NTRK2: variants seen among roughly 807,000 people sequenced by gnomAD.
NTRK2 encodes the protein BDNF/NT-3 growth factors receptor.
Under a neutral mutation model 94.5 loss-of-function variants are expected in NTRK2, and 13 were observed. The ratio of observed to expected loss-of-function variants is 0.14; its 90% CI spans 0.09 to 0.22. The LOEUF is 0.22. NTRK2 is among the 10% of genes least tolerant of loss of function. The pLI, the probability that NTRK2 is intolerant of heterozygous loss-of-function variation, is 1.00. For missense variants in NTRK2, 639 were observed against 1,071.2 expected (o/e 0.60, Z 5.63); for synonymous variants, 372 against 407.4 (o/e 0.91, Z 1.05).
At chr9:84,962,482 T>G (rs1825060289) in intron 17 of NTRK2, among the ~76,000 whole-genome samples, 1 of 148,676 alleles carries the variant, frequency 6.7e-6, no homozygotes, top group Non-Finnish European at 1.5e-5. Flanking sequence ...TAAATCCTTG[T>G]GTCCCCTTTT....
intron 12 of NTRK2, among the ~76,000 whole-genome samples, chr9:84,782,057 CACACACACACAA>C (rs1308190407): frequency 6.6e-6 from 1 of 151,684 alleles, no homozygotes; most frequent in Non-Finnish European, 1.5e-5. Context: ...CACACACACA[CACACACACACAA>C]ACACACACAC....
chr9:85,008,988 G>A lies in NTRK2; in HGVS notation c.2173-11218G>A, dbSNP rs185614293. 1.1e-4 allele frequency among the ~76,000 whole-genome samples: 17 copies of A among 152,184 alleles called. No individual in the cohort carries two copies. In the East Asian group the frequency reaches 2.5e-3, roughly 22 times the overall value. On this transcript the variant is annotated intron_variant, in intron 17 of 18. Transcript: ENST00000277120. ...AGGCTTATAGGTTTTATCCCTTTTT[G>A]GATACAATGAACAGACTCTAAGGCA...
chr9:84,970,710 T>C (rs10868240), intron 17 of NTRK2, among the ~76,000 whole-genome samples: 15,624 of 152,200 alleles, frequency 0.1, 1,069 homozygotes, highest in East Asian at 0.38. Context: ...CTGAAATCAA[T>C]ATACTTCATG....
At chr9:84,970,243 A>T (rs1826030801) in intron 17 of NTRK2, among the ~76,000 whole-genome samples, 2 of 152,196 alleles carry the variant, frequency 1.3e-5, no homozygotes, top group South Asian at 4.2e-4. Flanking sequence ...CTAAAAATAC[A>T]AAAACTAGCC....
chr9:84,864,859 GCCC>G (rs1255798942), intron 13 of NTRK2, among the ~76,000 whole-genome samples: 1 of 144,230 alleles, frequency 6.9e-6, no homozygotes, highest in African/African-American at 2.6e-5. Context: ...TCCTGTTTCA[GCCC>G]CCCGAGTAGT....
intron 2 of NTRK2, among the ~76,000 whole-genome samples, chr9:84,675,324 C>CTTTTTTTTTTTTTTTTTTTTTTTTTTTT (rs536445167): frequency 3.0e-5 from 2 of 67,324 alleles, no homozygotes; most frequent in Non-Finnish European, 5.2e-5. Flanking sequence ...TCTTTCTTTC[C>CTTTTTTTTTTTTTTTTTTTTTTTTTTTT]TTTTTTTTTT....
chr9:84,775,541 C>G (rs907982066), intron 12 of NTRK2, among the ~76,000 whole-genome samples: 2 of 152,174 alleles, frequency 1.3e-5, no homozygotes, highest in Non-Finnish European at 2.9e-5. Flanking sequence ...CTGCATATTT[C>G]TTTTGCTCTT....
chr9:84,683,969 A>C (rs1289221050), intron 2 of NTRK2, among the ~76,000 whole-genome samples: 3 of 152,062 alleles, frequency 2.0e-5, no homozygotes, highest in Non-Finnish European at 4.4e-5. Context: ...GCTTTGGTTC[A>C]TCTGTTTGTT....
chr9:84,870,285 C>T (rs2075795929), intron 14 of NTRK2, among the ~76,000 whole-genome samples: 1 of 117,136 alleles, frequency 8.5e-6, no homozygotes. Context: ...GGTATGTGTA[C>T]ATATACATAT....
intron 15 of NTRK2, among the ~76,000 whole-genome samples, chr9:84,945,851 A>G (rs974197445): frequency 6.6e-6 from 1 of 152,234 alleles, no homozygotes; most frequent in African/African-American, 2.4e-5. Flanking sequence ...TGGTGCTTAT[A>G]AAGACACTTC....
Position 84,797,611 on chromosome 9 carries a change from A to C in NTRK2, c.1396+45526A>C, listed in dbSNP as rs28580203. Among the ~76,000 whole-genome samples the C allele has an allele frequency of 1.4e-3, 76 of 54,682 alleles. 2 individuals carry two copies. The highest frequency in any genetic ancestry group is 5.1e-3 in the African/African-American group (57 of 11,226). The allele number at this position is 54,682 out of a possible 152,430, so 35.9% of individuals were successfully genotyped here. A position where few individuals can be genotyped will look rare whatever the true frequency, so the allele number is the denominator to read the frequency against. On this transcript the variant is annotated intron_variant, in intron 12 of 18. Coordinates refer to ENST00000277120, the MANE Select transcript of NTRK2 (RefSeq NM_006180.6). ...CTATATATACTATATATTATATATA[A>C]TATATATACTATATATTATATATTA...
chr9:84,837,521 G>A (rs74305440), intron 12 of NTRK2, among the ~76,000 whole-genome samples: 5,201 of 152,334 alleles, frequency 0.034, 186 homozygotes, highest in East Asian at 0.13. Context: ...TTGGAACTTA[G>A]ATAGACCCTC....
Position 84,672,597 on chromosome 9 carries a change from T to TG in NTRK2, c.212+1638dup, listed in dbSNP as rs765789972. On this transcript the variant is annotated intron_variant, in intron 2 of 18. Transcript: ENST00000277120. ...CCACAGTCAGATATTGTTGTGTGTG[T>TG]GTGGTGGTGCTTTTAAAATTCTGTT... 3.1e-4 allele frequency among the ~76,000 whole-genome samples: 47 copies of TG among 152,300 alleles called. 1 individual carries two copies. Among genetic ancestry groups the TG allele is most frequent in the Non-Finnish European group, 5.3e-4 (36 of 68,026 alleles).
intron 14 of NTRK2, among the ~76,000 whole-genome samples, chr9:84,880,750 A>G (rs1184457381): frequency 6.6e-6 from 1 of 152,248 alleles, no homozygotes; most frequent in Non-Finnish European, 1.5e-5. Context: ...CTTTAAAAAC[A>G]TCATACAGCA....
Position 84,730,783 on chromosome 9 carries a change from C to CAAAAAAAAAAAA in NTRK2, c.1159+2838_1159+2849dup. ...AAACTAAAGAAAAATAAACAAATAG[C>CAAAAAAAAAAAA]AAAAAAAAAAAAAAAAAAAAAAAAA... On this transcript the variant is annotated intron_variant, in intron 9 of 18. Coordinates refer to ENST00000277120, the MANE Select transcript of NTRK2 (RefSeq NM_006180.6). 1.4e-3 allele frequency among the ~76,000 whole-genome samples: 34 copies of CAAAAAAAAAAAA among 24,142 alleles called. 7 individuals are homozygous for CAAAAAAAAAAAA. Among genetic ancestry groups the CAAAAAAAAAAAA allele is most frequent in the East Asian group, 5.2e-3 (3 of 580 alleles). The allele number at this position is 24,142 out of a possible 152,430, so 15.8% of individuals were successfully genotyped here.
intron 12 of NTRK2, among the ~76,000 whole-genome samples, chr9:84,786,813 G>A (rs752575494): frequency 2.0e-5 from 3 of 152,126 alleles, no homozygotes; most frequent in Admixed American, 2.0e-4. Flanking sequence ...AAGAGTGAAG[G>A]TGGCAGCTCT....
chr9:84,952,534 A>T (rs533019437), intron 16 of NTRK2, among the ~76,000 whole-genome samples: 1 of 152,328 alleles, frequency 6.6e-6, no homozygotes, highest in East Asian at 1.9e-4. Context: ...GACCTGGGAA[A>T]GTGAAAGCAG....
In NTRK2 at chr9:84,711,223, A is replaced by T. The variant is rs115921435; in HGVS notation, c.583+432A>T. 7.4e-3 allele frequency among the ~76,000 whole-genome samples: 1,123 copies of T among 152,258 alleles called. 13 individuals carry two copies. The highest frequency in any genetic ancestry group is 0.025 in the African/African-American group (1,034 of 41,540). On this transcript the variant is annotated intron_variant, in intron 6 of 18. Transcript: ENST00000277120. ...CTGGCAGCACAAGCAAATCCAATTC[A>T]ATCCAGCACATTCCCTTAAACTTGT...
chr9:84,789,733 T>G (rs1350520860), intron 12 of NTRK2, among the ~76,000 whole-genome samples: 1 of 152,198 alleles, frequency 6.6e-6, no homozygotes, highest in African/African-American at 2.4e-5. Context: ...TCTGGTGCCC[T>G]TTTTTGCCCT....
Sources: gnomAD v4.1 joint callset for allele counts (sites outside exome capture counted in the v4.1 genomes callset) on GRCh38, gnomAD v4.1.1 for gene constraint, MANE v1.5 for transcripts, NCBI Gene and HGNC (gene_info 2026-07-23, HGNC 2026-07-21) for gene names.